PLBD1: variants seen among roughly 807,000 people sequenced by gnomAD.
PLBD1 encodes the protein lysosomal leucine aminopeptidase.
Under a neutral mutation model 63.0 loss-of-function variants are expected in PLBD1, and 60 were observed. The ratio of observed to expected loss-of-function variants is 0.95; its 90% CI spans 0.77 to 1.18. The LOEUF is 1.18. Ranked by LOEUF, PLBD1 falls within the 50% of genes most tolerant of loss-of-function variation. PLBD1 has a pLI of 0.00. For synonymous variants in PLBD1, 262 were observed against 248.0 expected, an observed-to-expected ratio of 1.06 and a Z score of -0.53; for missense variants, 598 against 677.9, an observed-to-expected ratio of 0.88 and a Z score of 1.31.
At chr12:14,565,578 C>G (rs1945774632) in intron 1 of PLBD1, among the ~76,000 whole-genome samples, 1 of 151,984 alleles carries the variant, frequency 6.6e-6, no homozygotes, top group African/African-American at 2.4e-5. Context: ...CATGCAATCC[C>G]TTTAGTGTTT....
chr12:14,554,145 A>C (rs1945682321), intron 1 of PLBD1: 1 of 152,416 alleles, frequency 6.6e-6, no homozygotes, highest in Non-Finnish European at 1.5e-5. Context: ...AAAAACTAGA[A>C]GCTATCACCT....
Position 14,564,161 on chromosome 12 carries a change from G to A in PLBD1, c.115+3421C>T, listed in dbSNP as rs11056031. On this transcript the variant is annotated intron_variant, in intron 1 of 10. Transcript: ENST00000240617. Reference sequence around the variant, plus strand: ...TCTGAGGCTGCAATGAGCTATGATCGTACCATTGTACTCCAGCCTGGGTGA... The same window carrying A: ...TCTGAGGCTGCAATGAGCTATGATCATACCATTGTACTCCAGCCTGGGTGA... Among the ~76,000 whole-genome samples the A allele has an allele frequency of 1.5e-3, 231 of 152,024 alleles. 2 individuals carry two copies. The South Asian group carries it at 0.02, about 13-fold the overall frequency.
intron 6 of PLBD1, among the ~76,000 whole-genome samples, chr12:14,515,301 A>C (rs1945329156): frequency 6.6e-6 from 1 of 152,208 alleles, no homozygotes; most frequent in South Asian, 2.1e-4. Flanking sequence ...GGGAGGACAC[A>C]TCCTGATTTA....
intron 8 of PLBD1, among the ~76,000 whole-genome samples, chr12:14,509,192 T>C (rs1945277711): frequency 6.6e-6 from 1 of 152,090 alleles, no homozygotes; most frequent in Non-Finnish European, 1.5e-5. Context: ...GTAGGTACTC[T>C]GAATTTAACT....
chr12:14,520,463 AAAC>A (rs369225924), intron 6 of PLBD1, among the ~76,000 whole-genome samples: 12 of 151,674 alleles, frequency 7.9e-5, no homozygotes, highest in African/African-American at 2.7e-4. Context: ...TGCCTGTTAA[AAAC>A]AACAACAAAA....
chr12:14,511,924 G>C (rs1235112374), intron 6 of PLBD1, among the ~76,000 whole-genome samples: 1 of 152,092 alleles, frequency 6.6e-6, no homozygotes. Flanking sequence ...TCCACCCCTG[G>C]ATTCTCCATT....
chr12:14,541,374 T>G (rs149513691), intron 3 of PLBD1, among the ~76,000 whole-genome samples: 93 of 152,358 alleles, frequency 6.1e-4, no homozygotes, highest in African/African-American at 2.2e-3. Flanking sequence ...AGCTTATGAT[T>G]CATTCCGTTT....
intron 5 of PLBD1, 111 bp from the exon 6 acceptor site, chr12:14,535,914 G>C (rs1592002469): frequency 9.0e-7 from 1 of 1,117,112 alleles, no homozygotes; most frequent in East Asian, 2.5e-5. Flanking sequence ...AGTGTTTATT[G>C]CTATACTGAT....
chr12:14,541,043 T>C, intron 3 of PLBD1, 141 bp from the exon 4 acceptor site: 1 of 913,456 alleles, frequency 1.1e-6, no homozygotes, highest in Non-Finnish European at 1.6e-6. Flanking sequence ...CTCCAGTCAC[T>C]CAAAGGACTT....
At chr12:14,563,449 C>T (rs747718519) in intron 1 of PLBD1, among the ~76,000 whole-genome samples, 10 of 151,962 alleles carry the variant, frequency 6.6e-5, no homozygotes, top group Non-Finnish European at 1.5e-4. Flanking sequence ...ACCTGGGAGG[C>T]GGAGGTTGCA....
At chr12:14,547,712 C>T (rs1475648062) in intron 2 of PLBD1, among the ~76,000 whole-genome samples, 2 of 152,156 alleles carry the variant, frequency 1.3e-5, no homozygotes, top group African/African-American at 4.8e-5. Context: ...ACCCATCTTT[C>T]CCAGAATCTT....
intron 10 of PLBD1, among the ~76,000 whole-genome samples, chr12:14,505,436 T>C (rs1945246151): frequency 6.6e-6 from 1 of 152,166 alleles, no homozygotes; most frequent in African/African-American, 2.4e-5. Flanking sequence ...CCCTCAGACG[T>C]CCCAAATCCA....
intron 6 of PLBD1, among the ~76,000 whole-genome samples, chr12:14,523,287 T>A (rs1000358836): frequency 4.6e-5 from 7 of 151,902 alleles, no homozygotes; most frequent in Non-Finnish European, 1.5e-5. Flanking sequence ...ACTAAGCGGG[T>A]GAAAGATCTC....
chr12:14,546,993 G>A (rs1480784639), intron 2 of PLBD1, among the ~76,000 whole-genome samples: 7 of 151,896 alleles, frequency 4.6e-5, no homozygotes, highest in South Asian at 2.1e-4. Flanking sequence ...CAATTCTACC[G>A]CCTTAGCCTC....
intron 4 of PLBD1, among the ~76,000 whole-genome samples, chr12:14,540,133 C>T (rs1196233234): frequency 2.7e-4 from 6 of 22,554 alleles, no homozygotes; most frequent in Admixed American, 5.0e-4. Flanking sequence ...TATATATATA[C>T]TGGCAAAATA....
intron 10 of PLBD1, among the ~76,000 whole-genome samples, chr12:14,505,264 G>T (rs1555144411): frequency 6.6e-6 from 1 of 152,012 alleles, no homozygotes; most frequent in Non-Finnish European, 1.5e-5. Flanking sequence ...TGCAACTGGG[G>T]TCAGCATTCC....
intron 6 of PLBD1, among the ~76,000 whole-genome samples, chr12:14,529,258 A>T (rs1377019789): frequency 1.3e-5 from 2 of 152,052 alleles, no homozygotes; most frequent in East Asian, 3.8e-4. Flanking sequence ...ATGCTCTTAA[A>T]ACACTTAGGA....
At chr12:14,539,357 A>G (rs2136922785) in intron 4 of PLBD1, among the ~76,000 whole-genome samples, 1 of 152,172 alleles carries the variant, frequency 6.6e-6, no homozygotes, top group South Asian at 2.1e-4. Flanking sequence ...AGCGGTCACC[A>G]CTATGCTAAA....
chr12:14,517,443 C>T (rs996168493), intron 6 of PLBD1, among the ~76,000 whole-genome samples: 1 of 152,106 alleles, frequency 6.6e-6, no homozygotes, highest in African/African-American at 2.4e-5. Context: ...CCACCACACC[C>T]AGCCGGCTCT....
Sources: gnomAD v4.1 joint callset for allele counts (sites outside exome capture counted in the v4.1 genomes callset) on GRCh38, gnomAD v4.1.1 for gene constraint, MANE v1.5 for transcripts, NCBI Gene and HGNC (gene_info 2026-07-23, HGNC 2026-07-21) for gene names.